The following ELOVL6 variants were observed in gnomAD, a reference collection of about 807,000 sequenced individuals.
ELOVL6 encodes the protein ELOVL fatty acid elongase 6, also known as very long chain fatty acid elongase 6.
In ELOVL6, 8 loss-of-function variants were observed where a neutral mutation model predicts 31.7. That is an observed-to-expected ratio of 0.25 (90% CI 0.15 to 0.45). The LOEUF (loss-of-function observed/expected upper bound fraction) is 0.45, where lower values mean the gene tolerates loss of function less well. Ranked by LOEUF, ELOVL6 falls within the 20% of genes least tolerant of loss-of-function variation. The probability of loss-of-function intolerance (pLI) is 1.00; values close to 1 mark genes in which losing one functional copy is unlikely to be tolerated. For missense variants in ELOVL6, 126 were observed against 326.4 expected, an observed-to-expected ratio of 0.39 and a Z score of 4.73; for synonymous variants, 101 against 117.7, an observed-to-expected ratio of 0.86 and a Z score of 0.92.
At chr4:110,190,421 AC>A (rs140225578) in intron 1 of ELOVL6, among the ~76,000 whole-genome samples, 2,887 of 152,338 alleles carry the variant, frequency 0.019, 94 homozygotes, top group African/African-American at 0.067. Context: ...TAGATGACTG[AC>A]ATGGTTCCAA....
intron 1 of ELOVL6, among the ~76,000 whole-genome samples, chr4:110,122,869 T>G (rs891484953): frequency 6.6e-6 from 1 of 152,236 alleles, no homozygotes; most frequent in Non-Finnish European, 1.5e-5. Context: ...TGCAACCTTG[T>G]CATTTTTTAT....
intron 1 of ELOVL6, among the ~76,000 whole-genome samples, chr4:110,189,134 G>A (rs548226216): frequency 1.5e-4 from 23 of 151,848 alleles, no homozygotes; most frequent in Non-Finnish European, 1.9e-4. Flanking sequence ...AAAAAAATTA[G>A]TTGGGCAAGG....
intron 1 of ELOVL6, among the ~76,000 whole-genome samples, chr4:110,184,404 A>G (rs2126278994): frequency 6.6e-6 from 1 of 152,366 alleles, no homozygotes; most frequent in African/African-American, 2.4e-5. Context: ...AGCAATAGAT[A>G]TAGATGGGTG....
Position 110,150,797 on chromosome 4 carries a change from C to T in ELOVL6, c.90-45169G>A, listed in dbSNP as rs540300840. On this transcript the variant is annotated intron_variant, in intron 1 of 3. Transcript: ENST00000302274. ...GTGGCTCAGGCCTGTAGTCCCAGCA[C>T]TTTGGGAAGCCGAGGTGGACGGATC... Among the ~76,000 whole-genome samples, 14 of 152,248 alleles carry T rather than the reference C, an allele frequency of 9.2e-5. No homozygotes were observed. The South Asian group carries it at 2.1e-3, about 23-fold the overall frequency.
chr4:110,137,674 G>A (rs927368333), intron 1 of ELOVL6, among the ~76,000 whole-genome samples: 1 of 152,098 alleles, frequency 6.6e-6, no homozygotes, highest in African/African-American at 2.4e-5. Context: ...AACAATAATA[G>A]TAATGATAGG....
intron 1 of ELOVL6, among the ~76,000 whole-genome samples, chr4:110,127,948 C>T (rs1306905835): frequency 1.3e-5 from 2 of 151,994 alleles, no homozygotes; most frequent in South Asian, 4.2e-4. Context: ...TGGCTTACAC[C>T]TGTAATCCCA....
intron 3 of ELOVL6, among the ~76,000 whole-genome samples, chr4:110,054,385 A>G (rs554857389): frequency 1.3e-5 from 2 of 152,172 alleles, no homozygotes; most frequent in African/African-American, 2.4e-5. Context: ...TATAAGTACT[A>G]CTCTGTTCCT....
intron 1 of ELOVL6, among the ~76,000 whole-genome samples, chr4:110,178,004 A>G (rs1759161912): frequency 6.6e-6 from 1 of 152,150 alleles, no homozygotes; most frequent in Admixed American, 6.6e-5. Flanking sequence ...TGTTTCTCTA[A>G]AGCTACTAGT....
chr4:110,163,902 C>G (rs1758698364), intron 1 of ELOVL6, among the ~76,000 whole-genome samples: 1 of 152,136 alleles, frequency 6.6e-6, no homozygotes, highest in Non-Finnish European at 1.5e-5. Flanking sequence ...GTGGGTAAAT[C>G]TGAGTCATAG....
intron 1 of ELOVL6, among the ~76,000 whole-genome samples, chr4:110,161,753 T>A (rs1220654969): frequency 6.6e-6 from 1 of 152,164 alleles, no homozygotes; most frequent in African/African-American, 2.4e-5. Flanking sequence ...AGTTCCATGT[T>A]AAGGAATCAA....
chr4:110,172,314 T>C (rs1379612374), intron 1 of ELOVL6, among the ~76,000 whole-genome samples: 1 of 152,168 alleles, frequency 6.6e-6, no homozygotes, highest in Non-Finnish European at 1.5e-5. Flanking sequence ...TTTGAGTTTT[T>C]CCACTCACAT....
At chr4:110,145,007 G>C (rs1415287307) in intron 1 of ELOVL6, among the ~76,000 whole-genome samples, 2 of 151,998 alleles carry the variant, frequency 1.3e-5, no homozygotes, top group African/African-American at 4.8e-5. Context: ...CCTCATCAGA[G>C]TCTGATAAGG....
At chr4:110,185,415 C>A (rs878980777) in intron 1 of ELOVL6, among the ~76,000 whole-genome samples, 2 of 152,178 alleles carry the variant, frequency 1.3e-5, no homozygotes, top group Non-Finnish European at 1.5e-5. Flanking sequence ...CTCCTACCCC[C>A]ACTCAAGAGC....
At chr4:110,197,619 G>A (rs1028961827) in intron 1 of ELOVL6, among the ~76,000 whole-genome samples, 1 of 151,830 alleles carries the variant, frequency 6.6e-6, no homozygotes, top group Admixed American at 6.6e-5. Context: ...CCTCCCACCC[G>A]GTCTCTCTAT....
intron 1 of ELOVL6, among the ~76,000 whole-genome samples, chr4:110,165,002 C>T (rs1289283436): frequency 3.3e-5 from 5 of 152,000 alleles, no homozygotes; most frequent in Non-Finnish European, 7.4e-5. Context: ...CCACACCCAA[C>T]TAAGAAAGGA....
At chr4:110,130,808 A>G (rs549117829) in intron 1 of ELOVL6, among the ~76,000 whole-genome samples, 61 of 152,324 alleles carry the variant, frequency 4.0e-4, no homozygotes, top group Middle Eastern at 6.8e-3. Context: ...ACTAGCTTTT[A>G]TGCACATGAC....
intron 2 of ELOVL6, among the ~76,000 whole-genome samples, chr4:110,076,079 A>G (rs888339554): frequency 6.6e-6 from 1 of 152,240 alleles, no homozygotes; most frequent in Non-Finnish European, 1.5e-5. Context: ...AGTGGGTAAT[A>G]GCAAGCTGAT....
At chr4:110,120,805 T>TTCTTTTC (rs1173933781) in intron 1 of ELOVL6, among the ~76,000 whole-genome samples, 1 of 142,372 alleles carries the variant, frequency 7.0e-6, no homozygotes, top group Non-Finnish European at 1.6e-5. Flanking sequence ...TTTCTTTTTT[T>TTCTTTTC]TTTTTTTTTT....
chr4:110,171,679 CTTTTTT>C (rs70956406), intron 1 of ELOVL6, among the ~76,000 whole-genome samples: 3 of 66,194 alleles, frequency 4.5e-5, no homozygotes, highest in South Asian at 6.5e-4. Context: ...ATAATATCCT[CTTTTTT>C]TTTTTTTTTT....
Sources: allele counts gnomAD v4.1 joint callset (sites outside exome capture counted in the v4.1 genomes callset), GRCh38; gene constraint gnomAD v4.1.1; transcripts MANE v1.5; gene names NCBI Gene and HGNC (gene_info 2026-07-23, HGNC 2026-07-21).